Variants in PTPRG observed in about 807,000 individuals in gnomAD.
PTPRG encodes receptor-type tyrosine-protein phosphatase gamma.
A neutral mutation model predicts 165.3 loss-of-function variants in PTPRG; 102 were observed. The observed-to-expected ratio is 0.62, with a 90% CI of 0.53 to 0.73. The LOEUF (loss-of-function observed/expected upper bound fraction) is 0.73, where lower values mean the gene tolerates loss of function less well. Among genes scored for constraint, PTPRG ranks in the 30% least tolerant of loss-of-function variants. PTPRG has a pLI of 0.00. For synonymous variants in PTPRG, 675 were observed against 669.5 expected (o/e 1.01, Z -0.13); for missense variants, 1,866 against 1,861.4 (o/e 1.00, Z -0.05).
chr3:61,698,213 G>T (rs2030723998), intron 1 of PTPRG, among the ~76,000 whole-genome samples: 2 of 152,098 alleles, frequency 1.3e-5, no homozygotes, highest in Admixed American at 1.3e-4. Context: ...GAAGGAAAGA[G>T]ATTTCTTTTT....
chr3:61,886,912 CTTT>C (rs780604752), intron 2 of PTPRG, among the ~76,000 whole-genome samples: 1 of 138,528 alleles, frequency 7.2e-6, no homozygotes, highest in Admixed American at 7.3e-5. Flanking sequence ...GAGGACTGGA[CTTT>C]TTTTTTTTTT....
chr3:61,917,089 C>G (rs910764869), intron 2 of PTPRG, among the ~76,000 whole-genome samples: 1 of 152,036 alleles, frequency 6.6e-6, no homozygotes, highest in Non-Finnish European at 1.5e-5. Flanking sequence ...ATGGCAGATG[C>G]GTTTTGGGTC....
chr3:62,198,262 G>C (rs969692209), intron 10 of PTPRG, among the ~76,000 whole-genome samples: 1 of 152,130 alleles, frequency 6.6e-6, no homozygotes, highest in African/African-American at 2.4e-5. Context: ...ATGGCAGCTG[G>C]TGCAGTAGGG....
chr3:61,629,494 G>A (rs1310378604), intron 1 of PTPRG, among the ~76,000 whole-genome samples: 2 of 152,150 alleles, frequency 1.3e-5, no homozygotes, highest in East Asian at 3.9e-4. Flanking sequence ...CTGGGTAAAA[G>A]AGGGTCCTAG....
chr3:62,211,637 G>C (rs1240679476), intron 12 of PTPRG, among the ~76,000 whole-genome samples: 1 of 152,114 alleles, frequency 6.6e-6, no homozygotes, highest in African/African-American at 2.4e-5. Flanking sequence ...AAATTTATAA[G>C]TATGCATATC....
intron 2 of PTPRG, among the ~76,000 whole-genome samples, chr3:61,833,531 C>A (rs1293316663): frequency 1.3e-5 from 2 of 152,124 alleles, no homozygotes; most frequent in Non-Finnish European, 2.9e-5. Context: ...ACTTCACTTG[C>A]TTTCCTCATT....
chr3:61,937,742 G>A (rs2039514060), intron 2 of PTPRG, among the ~76,000 whole-genome samples: 1 of 152,126 alleles, frequency 6.6e-6, no homozygotes, highest in Admixed American at 6.5e-5. Context: ...ACGGCAAAAG[G>A]AGAACATTGT....
In PTPRG at chr3:62,271,598, A is replaced by G. The variant is rs780697966; in HGVS notation, c.3182+43A>G. The G allele has an allele frequency of 1.3e-6, 2 of 1,558,568 alleles. No individual in the cohort carries two copies. The highest frequency in any genetic ancestry group is 1.2e-5 in the South Asian group (1 of 83,116). Reference sequence around the variant, plus strand: ...ACATGTGAAATAGATGGGGCAGGGGACTTAGGCCTCAGTGACCTTGGACCA... The same window carrying G: ...ACATGTGAAATAGATGGGGCAGGGGGCTTAGGCCTCAGTGACCTTGGACCA... On this transcript the variant is annotated intron_variant, in intron 21 of 29. Coordinates refer to ENST00000474889, the MANE Select transcript of PTPRG (RefSeq NM_002841.4). This position sits in a 1 kb window ranked among gnomAD's most constrained non-coding sequence, Gnocchi z 4.1.
At chr3:62,200,039 TC>T (rs1167328685) in intron 10 of PTPRG, among the ~76,000 whole-genome samples, 2 of 152,104 alleles carry the variant, frequency 1.3e-5, no homozygotes, top group African/African-American at 4.8e-5. Flanking sequence ...ATATGAAGTA[TC>T]CGGAGCAGTC....
At chr3:61,600,936 C>T (rs1575529493) in intron 1 of PTPRG, among the ~76,000 whole-genome samples, 1 of 152,294 alleles carries the variant, frequency 6.6e-6, no homozygotes, top group Middle Eastern at 3.4e-3. Context: ...CTTCAAATCT[C>T]AATGTATAAA....
chr3:61,725,325 C>T (rs2032211830), intron 1 of PTPRG, among the ~76,000 whole-genome samples: 1 of 152,092 alleles, frequency 6.6e-6, no homozygotes, highest in Non-Finnish European at 1.5e-5. Flanking sequence ...ACCATGTTGG[C>T]CAGGCTGATC....
intron 2 of PTPRG, chr3:61,749,956 G>C (rs2033365520): frequency 6.6e-6 from 1 of 152,206 alleles, no homozygotes; most frequent in Non-Finnish European, 1.5e-5. Flanking sequence ...ATTTATGCCA[G>C]TGTAAAATTT....
intron 2 of PTPRG, among the ~76,000 whole-genome samples, chr3:61,822,361 AT>A (rs1360609780): frequency 6.6e-6 from 1 of 152,204 alleles, no homozygotes; most frequent in Non-Finnish European, 1.5e-5. Context: ...TGTTTTGAGA[AT>A]TTCCCTCGTG....
Position 62,229,961 on chromosome 3 carries a change from A to G in PTPRG, c.2289-1264A>G, listed in dbSNP as rs1269250621. Among the ~76,000 whole-genome samples, 1 of 152,246 alleles carries G rather than the reference A, an allele frequency of 6.6e-6. No individual in the cohort carries two copies. The highest frequency in any genetic ancestry group is 1.5e-5 in the Non-Finnish European group (1 of 68,040). ...ATATTTTAGGAAGCTGCAAATTTCA[A>G]GTTTTTATGAGAATTTGTAAAAACA... On this transcript the variant is annotated intron_variant, in intron 13 of 29. Coordinates refer to ENST00000474889, the MANE Select transcript of PTPRG (RefSeq NM_002841.4). The surrounding 1 kb of genome is among the most constrained non-coding windows in gnomAD (Gnocchi z 4.6).
At chr3:62,056,660 C>T (rs2106672933) in intron 4 of PTPRG, among the ~76,000 whole-genome samples, 1 of 152,296 alleles carries the variant, frequency 6.6e-6, no homozygotes, top group South Asian at 2.1e-4. Context: ...AGTGGCACCC[C>T]TGACACAGTT....
chr3:61,819,450 A>G (rs534920653), intron 2 of PTPRG, among the ~76,000 whole-genome samples: 1 of 152,166 alleles, frequency 6.6e-6, no homozygotes, highest in African/African-American at 2.4e-5. Flanking sequence ...GAATTTGGGG[A>G]AGGATAGCAC....
intron 5 of PTPRG, among the ~76,000 whole-genome samples, chr3:62,131,239 T>G (rs1457802477): frequency 3.9e-5 from 6 of 152,020 alleles, no homozygotes; most frequent in African/African-American, 1.4e-4. Context: ...CTCATCCCCC[T>G]CCCACTGCTA....
At chr3:62,225,160 A>G (rs560082858) in intron 13 of PTPRG, among the ~76,000 whole-genome samples, 4 of 152,336 alleles carry the variant, frequency 2.6e-5, no homozygotes, top group Middle Eastern at 3.4e-3. Context: ...AGATGGTAGT[A>G]AAACATACCT....
chr3:61,746,442 T>C (rs1397893830), intron 1 of PTPRG, among the ~76,000 whole-genome samples: 1 of 152,010 alleles, frequency 6.6e-6, no homozygotes, highest in Non-Finnish European at 1.5e-5. Context: ...GCGCTAATTT[T>C]TTTATTTTTT....
Sources: gnomAD v4.1 joint callset for allele counts (sites outside exome capture counted in the v4.1 genomes callset) on GRCh38, gnomAD v4.1.1 for gene constraint, Gnocchi (gnomAD v3.1) non-coding constraint, MANE v1.5 for transcripts, NCBI Gene and HGNC (gene_info 2026-07-23, HGNC 2026-07-21) for gene names.